TTC34: variants seen among roughly 807,000 people sequenced by gnomAD.
TTC34 encodes the protein tetratricopeptide repeat domain 34, also known as tetratricopeptide repeat protein 34.
A neutral mutation model predicts 40.7 loss-of-function variants in TTC34; 44 were observed. The observed-to-expected ratio is 1.08, with a 90% CI of 0.85 to 1.39. TTC34 has a LOEUF of 1.39. Ranked by LOEUF, TTC34 falls within the 40% of genes most tolerant of loss-of-function variation. The pLI, the probability that TTC34 is intolerant of heterozygous loss-of-function variation, is 0.00. For missense variants in TTC34, 884 were observed against 838.0 expected (o/e 1.05, Z -0.68); for synonymous variants, 422 against 398.6 (o/e 1.06, Z -0.70).
At chr1:2,641,726 T>C (rs1271473318) in exon 9 of TTC34, 3 of 1,535,312 alleles carry the variant, frequency 2.0e-6, no homozygotes, top group Non-Finnish European at 2.6e-6. Context: ...GAGCACATGG[T>C]CCAGGTCCCT....
intron 6 of TTC34, among the ~76,000 whole-genome samples, chr1:2,657,504 C>T (rs530334577): frequency 0.021 from 1,978 of 95,952 alleles, no homozygotes; most frequent in Non-Finnish European, 0.041. Context: ...CCCACAACCC[C>T]AGGCGAGCAT....
In TTC34 at chr1:2,685,152, C is replaced by T. The variant is rs1247277839; in HGVS notation, c.2227-39589G>A. Among the ~76,000 whole-genome samples the T allele has an allele frequency of 7.6e-5, 11 of 144,082 alleles. No homozygotes were observed. In the Admixed American group the frequency reaches 7.6e-4, roughly 10 times the overall value. 94.5% of individuals were successfully genotyped at this position (144,082 alleles called of 152,430 possible). On this transcript the variant is annotated intron_variant, in intron 6 of 8. Coordinates refer to ENST00000401095, the Ensembl canonical transcript of TTC34. ...GAGCATCGGACGGCCTGGAACAGCA[C>T]CCACAACCCCACGTGAGCATCTGAC...
At position 2,755,871 on chromosome 1, in the gene TTC34, C is replaced by T. The variant is rs879249996; in HGVS notation, c.2226+27738G>A. Among the ~76,000 whole-genome samples the T allele has an allele frequency of 1.4e-3, 84 of 58,936 alleles. 29 individuals carry two copies. The highest frequency in any genetic ancestry group is 0.012 in the African/African-American group (83 of 6,842). 38.7% of individuals were successfully genotyped at this position (58,936 alleles called of 152,430 possible). A position where few individuals can be genotyped will look rare whatever the true frequency, so the allele number is the denominator to read the frequency against. ...CTGGAACATCACCCACACACTCACG[C>T]GAGCACCTGACATCCTTGAGCAGCA... On this transcript the variant is annotated intron_variant, in intron 6 of 8. Coordinates refer to ENST00000401095, the Ensembl canonical transcript of TTC34.
chr1:2,800,515 TGGC>T lies in TTC34; in HGVS notation c.310_312del (p.Ala104del), dbSNP rs778214130. 1.3e-3 allele frequency: 535 copies of T among 398,610 alleles called. 2 individuals are homozygous for T. Among genetic ancestry groups the T allele is most frequent in the South Asian group, 1.8e-3 (14 of 7,864 alleles). The allele number at this position is 398,610 out of a possible 1,614,324, so 24.7% of individuals were successfully genotyped here. A position where few individuals can be genotyped will look rare whatever the true frequency, so the allele number is the denominator to read the frequency against. On this transcript the variant is annotated inframe_deletion, in exon 2 of 9. Coordinates refer to ENST00000401095, the Ensembl canonical transcript of TTC34. ...AGCAGACCTGCCAGCAGGTGCAGGA[TGGC>T]GGCGGGGTGGTCCGGGCAGAGGGCG...
intron 6 of TTC34, among the ~76,000 whole-genome samples, chr1:2,749,441 C>A (rs1641245253): frequency 2.8e-5 from 4 of 141,066 alleles, no homozygotes; most frequent in Admixed American, 7.4e-5. Flanking sequence ...ACAGCACCGA[C>A]ACCCCCAGGT....
exon 9 of TTC34, chr1:2,641,286 C>G (rs952371407): frequency 7.1e-7 from 1 of 1,410,334 alleles, no homozygotes; most frequent in African/African-American, 1.5e-5. Context: ...ATTTAGGGAG[C>G]TGGGTACACC....
At chr1:2,652,366 C>A (rs150959673) in intron 6 of TTC34, among the ~76,000 whole-genome samples, 7 of 8,038 alleles carry the variant, frequency 8.7e-4, no homozygotes, top group Non-Finnish European at 9.4e-4. Context: ...GCACGCACAC[C>A]CCCAGGTGAG....
intron 6 of TTC34, among the ~76,000 whole-genome samples, chr1:2,755,828 A>C (rs1246040190): frequency 1.0e-5 from 1 of 99,250 alleles, no homozygotes; most frequent in Admixed American, 9.7e-5. Context: ...CCACAACCAC[A>C]GGTGAGCATC....
Position 2,658,422 on chromosome 1 carries a change from AC to A in TTC34, c.2227-12860del, listed in dbSNP as rs1639429214. On this transcript the variant is annotated intron_variant, in intron 6 of 8. Transcript: ENST00000401095. The stretch of plus-strand genomic sequence containing the variant: ...TCTGAACACACGGAGCAGCACCCAA[AC>A]CCCCAGGCGAGCATCCGACAGCCTG... 4.3e-5 allele frequency among the ~76,000 whole-genome samples: 3 copies of A among 69,578 alleles called. 1 individual carries two copies. Among genetic ancestry groups the A allele is most frequent in the Admixed American group, 1.3e-4 (1 of 7,510 alleles). 45.6% of individuals were successfully genotyped at this position (69,578 alleles called of 152,430 possible). A position where few individuals can be genotyped will look rare whatever the true frequency, so the allele number is the denominator to read the frequency against.
intron 6 of TTC34, among the ~76,000 whole-genome samples, chr1:2,684,304 C>T (rs71490543): frequency 2.2e-5 from 3 of 136,096 alleles, no homozygotes; most frequent in African/African-American, 5.6e-5. Flanking sequence ...CAGCCTGGGT[C>T]GGCACCCACA....
chr1:2,795,527 C>T (rs571398358), intron 2 of TTC34, among the ~76,000 whole-genome samples: 1 of 152,322 alleles, frequency 6.6e-6, no homozygotes, highest in African/African-American at 2.4e-5. Context: ...AAGGTGGAAG[C>T]CGTGGGGCCT....
rs1195227499 is a variant in TTC34 at position 2,753,344 on chromosome 1, G to T, written c.2226+30265C>A. Among the ~76,000 whole-genome samples, 134 of 119,658 alleles carry T rather than the reference G, an allele frequency of 1.1e-3. 30 individuals carry two copies. Among genetic ancestry groups the T allele is most frequent in the African/African-American group, 4.5e-3 (122 of 27,096 alleles). 78.5% of individuals were successfully genotyped at this position (119,658 alleles called of 152,430 possible). On this transcript the variant is annotated intron_variant, in intron 6 of 8. Transcript: ENST00000401095. ...TGGAGCATCACCCACACCCCCAGAC[G>T]AGCATCTGACAGCCTAGAACAGCAC...
chr1:2,756,995 G>GAGC (rs1641528413), intron 6 of TTC34, among the ~76,000 whole-genome samples: 1 of 151,592 alleles, frequency 6.6e-6, no homozygotes, highest in African/African-American at 2.4e-5. Flanking sequence ...ACGCCCAGGT[G>GAGC]AGCCTCTGAC....
At chr1:2,683,618 C>T (rs6604994) in intron 6 of TTC34, among the ~76,000 whole-genome samples, 1 of 136,618 alleles carries the variant, frequency 7.3e-6, no homozygotes, top group Admixed American at 7.2e-5. Flanking sequence ...TGACATCCTT[C>T]AGCAGCACCC....
intron 6 of TTC34, among the ~76,000 whole-genome samples, chr1:2,688,434 G>T (rs1640473509): frequency 6.6e-6 from 1 of 151,830 alleles, no homozygotes; most frequent in Non-Finnish European, 1.5e-5. Flanking sequence ...CCGACAGCCT[G>T]GAGCAGGACC....
intron 6 of TTC34, among the ~76,000 whole-genome samples, chr1:2,752,723 G>C (rs1279077036): frequency 6.8e-5 from 9 of 132,058 alleles, no homozygotes; most frequent in Non-Finnish European, 1.4e-4. Context: ...GCATGGAACA[G>C]CACCCTGCAC....
chr1:2,778,671 C>G (rs778512082), intron 6 of TTC34, among the ~76,000 whole-genome samples: 15 of 152,366 alleles, frequency 9.8e-5, no homozygotes, highest in Middle Eastern at 3.4e-3. Flanking sequence ...GGCATATCCC[C>G]AGGGTGCCTC....
chr1:2,768,140 C>T (rs966385055), intron 6 of TTC34, among the ~76,000 whole-genome samples: 6 of 151,606 alleles, frequency 4.0e-5, no homozygotes, highest in Non-Finnish European at 5.9e-5. Flanking sequence ...AGGTAAGAAT[C>T]TGAAAGCCTG....
intron 6 of TTC34, among the ~76,000 whole-genome samples, chr1:2,683,607 C>A: frequency 1.4e-5 from 2 of 139,346 alleles, no homozygotes; most frequent in Admixed American, 7.0e-5. Context: ...AGGCGAGCAT[C>A]TGACATCCTT....
Sources: allele counts gnomAD v4.1 joint callset (sites outside exome capture counted in the v4.1 genomes callset), GRCh38; gene constraint gnomAD v4.1.1; transcripts MANE v1.5; gene names NCBI Gene and HGNC (gene_info 2026-07-23, HGNC 2026-07-21).